SPTLC3: variants seen among roughly 807,000 people sequenced by gnomAD.
SPTLC3 encodes the protein serine palmitoyltransferase 3.
SPTLC3 carries 36 observed loss-of-function variants against 59.3 expected under a neutral mutation model. That is an observed-to-expected ratio of 0.61 (90% CI 0.47 to 0.80). The LOEUF (loss-of-function observed/expected upper bound fraction) is 0.80, where lower values mean the gene tolerates loss of function less well. SPTLC3 is among the 30% of genes least tolerant of loss of function. SPTLC3 has a pLI of 0.00. For synonymous variants in SPTLC3, 257 were observed against 240.8 expected, an observed-to-expected ratio of 1.07 and a Z score of -0.62; for missense variants, 625 against 685.1, an observed-to-expected ratio of 0.91 and a Z score of 0.98.
intron 1 of SPTLC3, among the ~76,000 whole-genome samples, chr20:13,040,960 C>G (rs1179583339): frequency 6.6e-6 from 1 of 151,988 alleles, no homozygotes; most frequent in Non-Finnish European, 1.5e-5. Flanking sequence ...AGCTGTTCAC[C>G]TTATTGGGGT....
chr20:13,094,039 C>T (rs557799647), intron 6 of SPTLC3, among the ~76,000 whole-genome samples: 38 of 152,250 alleles, frequency 2.5e-4, no homozygotes, highest in African/African-American at 7.7e-4. Flanking sequence ...ACCATCTATT[C>T]GACTTCATTG....
At chr20:13,037,935 C>G (rs928874450) in intron 1 of SPTLC3, among the ~76,000 whole-genome samples, 8 of 151,914 alleles carry the variant, frequency 5.3e-5, no homozygotes, top group African/African-American at 1.9e-4. Flanking sequence ...TCGTGACTGC[C>G]TCAGCCCAGA....
intron 6 of SPTLC3, among the ~76,000 whole-genome samples, chr20:13,102,840 C>T (rs1989654535): frequency 6.6e-6 from 1 of 152,168 alleles, no homozygotes; most frequent in African/African-American, 2.4e-5. Context: ...TATTGGACAC[C>T]CTGTCCCTGG....
intron 2 of SPTLC3, among the ~76,000 whole-genome samples, chr20:13,053,505 G>A (rs1443660013): frequency 3.9e-5 from 6 of 151,988 alleles, no homozygotes; most frequent in Non-Finnish European, 8.8e-5. Context: ...ACAACTCCTC[G>A]CCAGCAAGGG....
chr20:13,158,435 C>G (rs911881353), intron 10 of SPTLC3, among the ~76,000 whole-genome samples: 2 of 152,160 alleles, frequency 1.3e-5, no homozygotes, highest in East Asian at 3.9e-4. Flanking sequence ...AAACGTGCTT[C>G]CTTTGGCACA....
chr20:13,147,492 C>G (rs1384058154), intron 9 of SPTLC3, among the ~76,000 whole-genome samples: 1 of 152,094 alleles, frequency 6.6e-6, no homozygotes, highest in Non-Finnish European at 1.5e-5. Context: ...AACTTTACTC[C>G]AAGGTCTCTC....
chr20:13,097,691 C>T (rs1008477939), intron 6 of SPTLC3, among the ~76,000 whole-genome samples: 4 of 152,096 alleles, frequency 2.6e-5, no homozygotes, highest in African/African-American at 9.7e-5. Context: ...ATATGGGATG[C>T]AGGTTAGAGC....
At chr20:13,037,835 C>T (rs1986802158) in intron 1 of SPTLC3, among the ~76,000 whole-genome samples, 1 of 152,078 alleles carries the variant, frequency 6.6e-6, no homozygotes, top group South Asian at 2.1e-4. Flanking sequence ...AGATCAGGCA[C>T]CACTTTCACC....
At chr20:13,049,363 C>A in intron 2 of SPTLC3, 1 of 432,182 alleles carries the variant, frequency 2.3e-6, no homozygotes, top group Non-Finnish European at 4.3e-6. Flanking sequence ...TAAGGCTTTT[C>A]CCATACCTTG....
chr20:13,110,096 TTGG>T lies in SPTLC3; in HGVS notation c.827-14_827-12del. ...CCCTTTCATGACTCAATTTTTTTTTTTGGTATTATTTAAAGACACACAAAGCCT... is the reference window on the plus strand; with the variant it reads ...CCCTTTCATGACTCAATTTTTTTTTTTATTATTTAAAGACACACAAAGCCT... On this transcript the variant is annotated splice_polypyrimidine_tract_variant and intron_variant, in intron 6 of 11. Transcript: ENST00000399002. The T allele has an allele frequency of 6.3e-7, 1 of 1,580,278 alleles. No individual in the cohort carries two copies. Among genetic ancestry groups the T allele is most frequent in the Admixed American group, 2.0e-5 (1 of 50,024 alleles).
At chr20:13,162,733 A>G (rs1417622876) in intron 11 of SPTLC3, among the ~76,000 whole-genome samples, 1 of 152,200 alleles carries the variant, frequency 6.6e-6, no homozygotes, top group African/African-American at 2.4e-5. Context: ...TCAGATAGAA[A>G]TTATAAATAT....
chr20:13,144,525 C>T lies in SPTLC3; in HGVS notation c.1280-9478C>T, dbSNP rs376611207. On this transcript the variant is annotated intron_variant, in intron 9 of 11. Transcript: ENST00000399002. ...AGATATAGAGGCAGATAGAACCTAA[C>T]GCACAAATCTATTGACTGAGGACAA... Among the ~76,000 whole-genome samples, 33 of 152,288 alleles carry T rather than the reference C, an allele frequency of 2.2e-4. No homozygotes were observed. The East Asian group carries it at 2.9e-3, about 13-fold the overall frequency.
intron 4 of SPTLC3, chr20:13,079,673 C>A: frequency 2.3e-6 from 1 of 435,432 alleles, no homozygotes; most frequent in Non-Finnish European, 4.7e-6. Flanking sequence ...GTGCGCAATG[C>A]TTCTTTTCTG....
chr20:13,027,030 G>A (rs1172414271), intron 1 of SPTLC3, among the ~76,000 whole-genome samples: 1 of 152,110 alleles, frequency 6.6e-6, no homozygotes, highest in African/African-American at 2.4e-5. Context: ...GCAGACCCCG[G>A]TGGAAGCGAG....
At position 13,049,076 on chromosome 20, in the gene SPTLC3, A is replaced by G. The variant is rs763397868; in HGVS notation, c.249A>G (p.Leu83=). ...GTLFGYLRDF[L]RNWGIEKCNA... The stretch of plus-strand genomic sequence containing the variant: ...TGTTTGGCTATCTCAGAGACTTTTT[A>G]AGAAACTGGGGAATAGAAAAATGCA... Residue 83 remains leucine (L), a synonymous_variant, in exon 2 of 12, where the codon TTA becomes TTG. Transcript: ENST00000399002. The G allele has an allele frequency of 6.2e-7, 1 of 1,613,864 alleles. No individual in the cohort carries two copies. The highest frequency in any genetic ancestry group is 8.5e-7 in the Non-Finnish European group (1 of 1,179,874).
rs1273864879 is a variant in SPTLC3 at position 13,166,231 on chromosome 20, A to C, written c.*1364A>C. 6.6e-6 allele frequency: 1 copy of C among 152,648 alleles called. No individual in the cohort carries two copies. The highest frequency in any genetic ancestry group is 1.5e-5 in the Non-Finnish European group (1 of 68,056). 9.5% of individuals were successfully genotyped at this position (152,648 alleles called of 1,614,324 possible). A position where few individuals can be genotyped will look rare whatever the true frequency, so the allele number is the denominator to read the frequency against. ...CAAGAGAGGCTTGGTTTTGTGTGGC[A>C]CAGATGGACCCAAGCTTTCATGCTG... On this transcript the variant is annotated 3_prime_UTR_variant, in exon 12 of 12. Coordinates refer to ENST00000399002, the MANE Select transcript of SPTLC3 (RefSeq NM_018327.4).
rs371302568 is a variant in SPTLC3, at chr20:13,123,105, C to A, written c.1153-3486C>A. ...CAGCACTTTGGGAGGCCAAGGCCGG[C>A]GGATTACCAGAGGTCAGGAGTTCGA... On this transcript the variant is annotated intron_variant, in intron 8 of 11. Coordinates refer to ENST00000399002, the MANE Select transcript of SPTLC3 (RefSeq NM_018327.4). Among the ~76,000 whole-genome samples, 48 of 152,178 alleles carry A rather than the reference C, an allele frequency of 3.2e-4. 1 individual carries two copies. In the East Asian group the frequency reaches 3.9e-3, roughly 12 times the overall value.
Position 13,109,745 on chromosome 20 carries a change from G to A in SPTLC3, c.827-367G>A, listed in dbSNP as rs547866445. Among the ~76,000 whole-genome samples the A allele has an allele frequency of 4.6e-5, 7 of 152,314 alleles. No homozygotes were observed. The South Asian group carries it at 1.4e-3, about 32-fold the overall frequency. On this transcript the variant is annotated intron_variant, in intron 6 of 11. Coordinates refer to ENST00000399002, the MANE Select transcript of SPTLC3 (RefSeq NM_018327.4). ...CTCATGTCTACACGATTGATGAGTG[G>A]TATTAATTATGTCTCTCAGAGTTCA... is the stretch of plus-strand genomic sequence containing the variant.
intron 1 of SPTLC3, among the ~76,000 whole-genome samples, chr20:13,044,794 C>T (rs1987155570): frequency 6.6e-6 from 1 of 152,118 alleles, no homozygotes; most frequent in Non-Finnish European, 1.5e-5. Flanking sequence ...GTGACTTTCA[C>T]AAGGTCACAC....
Sources: allele counts gnomAD v4.1 joint callset (sites outside exome capture counted in the v4.1 genomes callset), GRCh38; gene constraint gnomAD v4.1.1; transcripts MANE v1.5; gene names NCBI Gene and HGNC (gene_info 2026-07-23, HGNC 2026-07-21).